The following ADAMTSL1 variants were observed in gnomAD, a reference collection of about 807,000 sequenced individuals.
ADAMTSL1 encodes the protein ADAMTS-like protein 1.
A neutral mutation model predicts 201.8 loss-of-function variants in ADAMTSL1; 126 were observed. The ratio of observed to expected loss-of-function variants is 0.62; its 90% CI spans 0.54 to 0.72. ADAMTSL1 has a LOEUF of 0.72. Ranked by LOEUF, ADAMTSL1 falls within the 30% of genes least tolerant of loss-of-function variation. ADAMTSL1 has a pLI of 0.00. For missense variants in ADAMTSL1, 2,679 were observed against 2,277.8 expected, an observed-to-expected ratio of 1.18 and a Z score of -3.59; for synonymous variants, 1,121 against 903.4, an observed-to-expected ratio of 1.24 and a Z score of -4.32.
intron 2 of ADAMTSL1, among the ~76,000 whole-genome samples, chr9:18,286,577 C>G (rs1833002021): frequency 1.8e-5 from 1 of 54,614 alleles, no homozygotes; most frequent in South Asian, 1.4e-3. Flanking sequence ...TTATGGTTTT[C>G]AGATATAATC....
chr9:18,332,002 T>C (rs10810957), intron 2 of ADAMTSL1, among the ~76,000 whole-genome samples: 32,998 of 152,048 alleles, frequency 0.22, 4,276 homozygotes, highest in Admixed American at 0.41. Flanking sequence ...CACCAAAATA[T>C]TGATGTGAAA....
Position 18,212,660 on chromosome 9 carries a change from A to G in ADAMTSL1, c.207+48679A>G, listed in dbSNP as rs538438509. Among the ~76,000 whole-genome samples the G allele has an allele frequency of 1.4e-4, 21 of 152,254 alleles. No individual in the cohort carries two copies. In the South Asian group the frequency reaches 2.7e-3, roughly 20 times the overall value. On this transcript the variant is annotated intron_variant, in intron 2 of 29. Transcript: ENST00000680146. ...TGATGTTGGGCCGTTGTAAAAATGT[A>G]TACATTTCAAAAGTATGAGAGGCTA...
upstream of ADAMTSL1, among the ~76,000 whole-genome samples, chr9:18,469,213 C>G (rs1053058032): frequency 6.6e-6 from 1 of 152,180 alleles, no homozygotes; most frequent in African/African-American, 2.4e-5. Context: ...ATTGACATCT[C>G]CCTTCTCTGA....
chr9:17,928,258 C>T (rs975104464), intron 1 of ADAMTSL1, among the ~76,000 whole-genome samples: 6 of 152,116 alleles, frequency 3.9e-5, no homozygotes, highest in African/African-American at 1.4e-4. Flanking sequence ...CTCAGCTTCC[C>T]AAAGTGCTGG....
intron 19 of ADAMTSL1, 74 bp downstream of exon 19, chr9:18,777,980 C>T: frequency 6.7e-7 from 1 of 1,501,464 alleles, no homozygotes; most frequent in Non-Finnish European, 8.9e-7. Flanking sequence ...ACTACTTACA[C>T]ATTCTTCAAG....
intron 23 of ADAMTSL1, among the ~76,000 whole-genome samples, chr9:18,881,191 G>T (rs577118228): frequency 7.2e-5 from 11 of 152,242 alleles, no homozygotes; most frequent in African/African-American, 2.6e-4. Context: ...ATTTTTTTGT[G>T]TTCACTGGTG....
chr9:18,127,501 C>CACACAG (rs1564015120), intron 1 of ADAMTSL1, among the ~76,000 whole-genome samples: 2 of 151,690 alleles, frequency 1.3e-5, no homozygotes, highest in Non-Finnish European at 2.9e-5. Context: ...CACACACACA[C>CACACAG]ACACACACAC....
chr9:18,723,405 C>G, intron 15 of ADAMTSL1: 1 of 372,674 alleles, frequency 2.7e-6, no homozygotes, highest in Non-Finnish European at 5.0e-6. Flanking sequence ...CTGGGACTTG[C>G]TTAAAACTGC....
intron 1 of ADAMTSL1, among the ~76,000 whole-genome samples, chr9:18,071,720 C>T (rs1003568105): frequency 1.3e-5 from 2 of 152,104 alleles, no homozygotes; most frequent in Non-Finnish European, 1.5e-5. Flanking sequence ...GACGTTTCCT[C>T]GAAAGTAGGA....
chr9:18,221,602 A>T (rs1035393410), intron 2 of ADAMTSL1, among the ~76,000 whole-genome samples: 2 of 152,100 alleles, frequency 1.3e-5, no homozygotes, highest in African/African-American at 4.8e-5. Context: ...TTGCTACATT[A>T]TGCATGTTTT....
intron 7 of ADAMTSL1, among the ~76,000 whole-genome samples, chr9:18,650,735 C>T (rs1024301467): frequency 3.3e-5 from 5 of 152,160 alleles, no homozygotes; most frequent in Non-Finnish European, 7.4e-5. Flanking sequence ...CTTCCTAGAG[C>T]AGCGTTTCTT....
chr9:17,931,004 C>A (rs1393996111), intron 1 of ADAMTSL1, among the ~76,000 whole-genome samples: 4 of 152,182 alleles, frequency 2.6e-5, no homozygotes, highest in African/African-American at 9.6e-5. Flanking sequence ...GTTCCCACAT[C>A]ACCTGATAAG....
chr9:18,296,217 C>G (rs183951970), intron 2 of ADAMTSL1, among the ~76,000 whole-genome samples: 205 of 152,184 alleles, frequency 1.3e-3, no homozygotes, highest in African/African-American at 4.1e-3. Flanking sequence ...AAAAAGCAAA[C>G]AAACAAAACA....
At chr9:18,245,396 C>T (rs139443272) in intron 2 of ADAMTSL1, among the ~76,000 whole-genome samples, 31 of 152,200 alleles carry the variant, frequency 2.0e-4, no homozygotes, top group East Asian at 1.2e-3. Context: ...TTACAGCATA[C>T]GTCAGTTTGG....
At chr9:18,285,067 A>G (rs931344276) in intron 2 of ADAMTSL1, among the ~76,000 whole-genome samples, 3 of 152,176 alleles carry the variant, frequency 2.0e-5, no homozygotes, top group Admixed American at 6.5e-5. Flanking sequence ...CCTACAATGA[A>G]TGGTTGGATA....
chr9:18,642,788 AT>A (rs1827534626), intron 7 of ADAMTSL1, among the ~76,000 whole-genome samples: 1 of 152,002 alleles, frequency 6.6e-6, no homozygotes. Context: ...GCTGAATAGT[AT>A]TCCATTGTGC....
intron 7 of ADAMTSL1, among the ~76,000 whole-genome samples, chr9:18,654,805 C>T (rs1828520029): frequency 6.6e-6 from 1 of 152,250 alleles, no homozygotes; most frequent in Non-Finnish European, 1.5e-5. Flanking sequence ...ATGTTATTCT[C>T]TCCCTAGCAG....
intron 1 of ADAMTSL1, among the ~76,000 whole-genome samples, chr9:18,503,778 T>C (rs190904027): frequency 6.6e-6 from 1 of 152,268 alleles, no homozygotes; most frequent in East Asian, 1.9e-4. Context: ...ACCATTTGTA[T>C]AACATCCTAA....
At chr9:18,239,143 T>G (rs548872037) in intron 2 of ADAMTSL1, among the ~76,000 whole-genome samples, 2 of 152,328 alleles carry the variant, frequency 1.3e-5, no homozygotes, top group Admixed American at 6.5e-5. Context: ...GGTCTTGCCT[T>G]GATGTTTATG....
Sources: allele counts gnomAD v4.1 joint callset (sites outside exome capture counted in the v4.1 genomes callset), GRCh38; gene constraint gnomAD v4.1.1; transcripts MANE v1.5; gene names NCBI Gene and HGNC (gene_info 2026-07-23, HGNC 2026-07-21).